ASPH: variants seen among roughly 807,000 people sequenced by gnomAD.
The protein encoded by ASPH is aspartyl/asparaginyl beta-hydroxylase.
ASPH carries 100 observed loss-of-function variants against 118.4 expected under a neutral mutation model. The observed-to-expected ratio is 0.84, with a 90% confidence interval of 0.72 to 1.00. The LOEUF (loss-of-function observed/expected upper bound fraction) is 1.00, where lower values mean the gene tolerates loss of function less well. Ranked by LOEUF, ASPH falls within the 50% of genes least tolerant of loss-of-function variation. The pLI is 0.00. For synonymous variants in ASPH, 315 were observed against 325.6 expected (o/e 0.97, Z 0.35); for missense variants, 920 against 919.5 (o/e 1.00, Z -0.01).
chr8:61,522,043 T>G (rs992114831), intron 22 of ASPH, among the ~76,000 whole-genome samples: 5 of 152,172 alleles, frequency 3.3e-5, no homozygotes, highest in African/African-American at 1.2e-4. Flanking sequence ...AAGAAAAAAA[T>G]GACTGCACAT....
At chr8:61,711,287 T>C (rs764967835) in intron 1 of ASPH, among the ~76,000 whole-genome samples, 22 of 152,058 alleles carry the variant, frequency 1.4e-4, no homozygotes, top group South Asian at 8.3e-4. Flanking sequence ...CAGAAAACAT[T>C]ACACATACGA....
intron 13 of ASPH, among the ~76,000 whole-genome samples, chr8:61,619,378 A>C (rs1312107906): frequency 3.3e-5 from 5 of 152,190 alleles, no homozygotes; most frequent in African/African-American, 7.2e-5. Context: ...AGCTTGTTCA[A>C]TATTGTTATT....
chr8:61,680,980 T>C lies in ASPH; in HGVS notation c.310A>G (p.Lys104Glu). The C allele has an allele frequency of 6.2e-7, 1 of 1,603,520 alleles. No individual in the cohort carries two copies. The highest frequency in any genetic ancestry group is 8.5e-7 in the Non-Finnish European group (1 of 1,174,588). ...AATGTGTACTTGCCTAATAAAACTT[T>C]GGCATCATCCACATCAAAATCTCCA... ...GDGDFDVDDA[K>E]VLLGLKERST... Residue 104 changes from lysine to glutamate, a missense_variant, in exon 3 of 25, where the codon AAA becomes GAA. Physicochemically the swap from Lys to Glu is moderately conservative, Grantham distance 56. Transcript: ENST00000379454.
intron 16 of ASPH, among the ~76,000 whole-genome samples, chr8:61,567,717 T>A (rs1473840726): frequency 2.0e-5 from 3 of 152,186 alleles, no homozygotes; most frequent in Non-Finnish European, 4.4e-5. Context: ...CTTCTACAAA[T>A]GTGGCAGGCA....
intron 3 of ASPH, chr8:61,675,566 TA>T: frequency 1.0e-6 from 1 of 979,976 alleles, no homozygotes; most frequent in Non-Finnish European, 1.2e-6. Flanking sequence ...CAAATTACAA[TA>T]AAAAATATCA....
At chr8:61,682,511 G>A (rs745839056) in intron 2 of ASPH, 1 of 1,595,378 alleles carries the variant, frequency 6.3e-7, no homozygotes, top group South Asian at 1.1e-5. Flanking sequence ...CATGAAAACT[G>A]TTATTTGTGC....
intron 14 of ASPH, among the ~76,000 whole-genome samples, chr8:61,608,143 G>C (rs941780878): frequency 6.6e-6 from 1 of 152,190 alleles, no homozygotes; most frequent in African/African-American, 2.4e-5. Flanking sequence ...GAAAAAGCTA[G>C]ACCTTTGAAA....
chr8:61,653,800 G>A, intron 3 of ASPH, 140 bp from the exon 4 acceptor site: 1 of 859,284 alleles, frequency 1.2e-6, no homozygotes, highest in Non-Finnish European at 1.7e-6. Context: ...CTTAAAAAGT[G>A]AGGTAGGAAA....
At chr8:61,664,173 A>G in intron 3 of ASPH, 1 of 967,794 alleles carries the variant, frequency 1.0e-6, no homozygotes, top group Non-Finnish European at 1.2e-6. Context: ...TGTAGAATTA[A>G]TTTCTCACTA....
intron 21 of ASPH, among the ~76,000 whole-genome samples, chr8:61,527,160 AC>A (rs993182942): frequency 6.6e-6 from 1 of 152,234 alleles, no homozygotes; most frequent in African/African-American, 2.4e-5. Context: ...TAGGTTACAA[AC>A]CAAAAAACAG....
Position 61,584,653 on chromosome 8 carries a change from TTTTC to T in ASPH, c.977-628_977-625del, listed in dbSNP as rs1429247401. Among the ~76,000 whole-genome samples the T allele has an allele frequency of 1.0e-4, 15 of 149,454 alleles. No individual in the cohort carries two copies. The East Asian group carries it at 2.7e-3, about 27-fold the overall frequency. Reference sequence around the variant, plus strand: ...TTTCCTTCTTTCTTTCTTTCTTTCTTTTTCTTTCTTTCTTCTTTTTTTCTTTTTT... The same window carrying T: ...TTTCCTTCTTTCTTTCTTTCTTTCTTTTTCTTTCTTCTTTTTTTCTTTTTT... On this transcript the variant is annotated intron_variant, in intron 14 of 24. Transcript: ENST00000379454.
chr8:61,524,625 C>T (rs907409107), intron 22 of ASPH, among the ~76,000 whole-genome samples: 1 of 152,064 alleles, frequency 6.6e-6, no homozygotes, highest in Non-Finnish European at 1.5e-5. Context: ...AGGTATATTC[C>T]ACCTATGTGA....
chr8:61,684,125 G>A lies in ASPH; in HGVS notation c.167C>T (p.Thr56Met), dbSNP rs149440176. The change falls in exon 2 of 25, where the codon ACG becomes ATG. Residue 56 changes from threonine (T) to methionine (M), a missense_variant. Physicochemically the swap from Thr to Met is moderately conservative, Grantham distance 81. Coordinates refer to ENST00000379454, the MANE Select transcript of ASPH (RefSeq NM_004318.4). ...CAGCAATGCAATCACCATAAACCACGTGAAGAATGAAGTTCCTGAGAGTCC... is the reference window on the plus strand; with the variant it reads ...CAGCAATGCAATCACCATAAACCACATGAAGAATGAAGTTCCTGAGAGTCC... Reference protein sequence around the residue: ...KGGLSGTSFFTWFMVIALLGV... With the variant: ...KGGLSGTSFFMWFMVIALLGV... 2.0e-5 allele frequency: 33 copies of A among 1,613,628 alleles called. No homozygotes were observed. The South Asian group carries it at 2.1e-4, about 10-fold the overall frequency.
chr8:61,706,457 G>T (rs1166888787), intron 1 of ASPH, among the ~76,000 whole-genome samples: 1 of 126,946 alleles, frequency 7.9e-6, no homozygotes, highest in African/African-American at 3.2e-5. Flanking sequence ...AGAAGAAGAA[G>T]GAGGAAGAGG....
intron 14 of ASPH, among the ~76,000 whole-genome samples, chr8:61,599,486 AAAAAAG>A (rs1843350565): frequency 6.6e-6 from 1 of 151,784 alleles, no homozygotes; most frequent in Non-Finnish European, 1.5e-5. Context: ...GTCAAAAAAA[AAAAAAG>A]AAAAGAAAAA....
chr8:61,620,963 T>A (rs1425312824), intron 13 of ASPH, among the ~76,000 whole-genome samples: 1 of 152,216 alleles, frequency 6.6e-6, no homozygotes, highest in African/African-American at 2.4e-5. Context: ...AAGGTGCTGA[T>A]CCCGATGTGG....
intron 1 of ASPH, among the ~76,000 whole-genome samples, chr8:61,700,758 T>C (rs982472861): frequency 2.0e-5 from 3 of 152,236 alleles, no homozygotes; most frequent in African/African-American, 7.2e-5. Context: ...CGCTACAATA[T>C]TAACATGGTA....
intron 1 of ASPH, among the ~76,000 whole-genome samples, chr8:61,709,486 C>A (rs1167314880): frequency 1.3e-5 from 2 of 152,170 alleles, no homozygotes; most frequent in Admixed American, 1.3e-4. Flanking sequence ...CCCACATGTG[C>A]AGTGCAGAGC....
At chr8:61,588,515 C>T (rs1252198597) in intron 14 of ASPH, among the ~76,000 whole-genome samples, 1 of 152,138 alleles carries the variant, frequency 6.6e-6, no homozygotes, top group Non-Finnish European at 1.5e-5. Context: ...TGTCCTATAC[C>T]CATTCCACTG....
Sources: gnomAD v4.1 joint callset for allele counts (sites outside exome capture counted in the v4.1 genomes callset) on GRCh38, gnomAD v4.1.1 for gene constraint, MANE v1.5 for transcripts, NCBI Gene and HGNC (gene_info 2026-07-23, HGNC 2026-07-21) for gene names.